ZFHX3: variants seen among roughly 807,000 people sequenced by gnomAD.
ZFHX3 encodes the protein zinc finger homeobox 3, also known as zinc finger homeobox protein 3.
Under a neutral mutation model 279.1 loss-of-function variants are expected in ZFHX3, and 42 were observed. The ratio of observed to expected loss-of-function variants is 0.15; its 90% CI spans 0.12 to 0.19. The LOEUF (loss-of-function observed/expected upper bound fraction) is 0.19, where lower values mean the gene tolerates loss of function less well. Ranked by LOEUF, ZFHX3 falls within the 10% of genes least tolerant of loss-of-function variation. The pLI is 1.00. For missense variants in ZFHX3, 4,981 were observed against 4,754.0 expected (o/e 1.05, Z -1.40); for synonymous variants, 2,293 against 1,957.8 (o/e 1.17, Z -4.52).
intron 1 of ZFHX3, among the ~76,000 whole-genome samples, chr16:73,865,680 T>C (rs770960726): frequency 6.6e-6 from 1 of 152,076 alleles, no homozygotes; most frequent in Non-Finnish European, 1.5e-5. Flanking sequence ...CAGTCATCTG[T>C]TAAAACATGT....
Position 72,826,560 on chromosome 16 carries a change from C to G in ZFHX3, c.3529+3219G>C, listed in dbSNP as rs569960104. Among the ~76,000 whole-genome samples, 129 of 152,264 alleles carry G rather than the reference C, an allele frequency of 8.5e-4. 1 individual carries two copies. In the South Asian group the frequency reaches 0.026, roughly 30 times the overall value. On this transcript the variant is annotated intron_variant, in intron 5 of 9. Coordinates refer to ENST00000268489, the MANE Select transcript of ZFHX3 (RefSeq NM_006885.4). The stretch of plus-strand genomic sequence containing the variant: ...AAAGCTCAGAGGAGGTTGCTGGCAC[C>G]TGTATCGATTCCAAGATCAAATCGG...
intron 1 of ZFHX3, among the ~76,000 whole-genome samples, chr16:73,036,651 G>A (rs1567644547): frequency 6.6e-6 from 1 of 151,888 alleles, no homozygotes; most frequent in Non-Finnish European, 1.5e-5. Flanking sequence ...AGAGAGGGAG[G>A]AGGGGGACTG....
rs756319969 is a variant in ZFHX3, at chr16:72,959,962, C to T, written c.184G>A (p.Ala62Thr). 32 of 1,609,224 alleles carry T rather than the reference C, an allele frequency of 2.0e-5. No homozygotes were observed. Among genetic ancestry groups the T allele is most frequent in the Middle Eastern group, 1.7e-4 (1 of 6,036 alleles). Residue 62 changes from alanine (A) to threonine (T), a missense_variant, in exon 2 of 10, where the codon GCG (alanine) becomes ACG (threonine). This residue lies in a region of ZFHX3 where 1,068 missense variants were observed against 935.2 expected (regional missense o/e 1.14). Transcript: ENST00000268489. ...GGCCCGGCCGACGCGGTGCTCTCCG[C>T]GAGGCGCTCATTGAAGGGGGCCCTC... ...SLRAPFNERLAESTASAGPPS... is the reference protein window; with the variant it reads ...SLRAPFNERLTESTASAGPPS...
rs1227579116 is a variant in ZFHX3 at position 72,798,390 on chromosome 16, C to T, written c.4292G>A (p.Cys1431Tyr). 1.2e-6 allele frequency: 2 copies of T among 1,614,208 alleles called. No homozygotes were observed. The highest frequency in any genetic ancestry group is 8.5e-7 in the Non-Finnish European group (1 of 1,180,048). The part of the protein sequence containing the change: ...QYHVIRAATM[C>Y]CLCQRSFRTF... ...TCGGAAACTGCGCTGACAAAGACAGCACATGGTGGCAGCTCTGATCACATG... is the reference window on the plus strand; with the variant it reads ...TCGGAAACTGCGCTGACAAAGACAGTACATGGTGGCAGCTCTGATCACATG... The change falls in exon 9 of 10, where the codon TGC becomes TAC. Residue 1431 changes from cysteine (C) to tyrosine (Y), a missense_variant. Physicochemically the swap from Cys to Tyr is radical, Grantham distance 194. This residue lies in a region of ZFHX3 where 1,751 missense variants were observed against 1,770.0 expected (regional missense o/e 0.99). Coordinates refer to ENST00000268489, the MANE Select transcript of ZFHX3 (RefSeq NM_006885.4).
chr16:73,068,941 T>C (rs1403772576), intron 8 of ZFHX3, among the ~76,000 whole-genome samples: 1 of 152,234 alleles, frequency 6.6e-6, no homozygotes, highest in African/African-American at 2.4e-5. Context: ...CCACCAACTC[T>C]GGCCTCCATG....
chr16:73,054,779 G>A (rs1405996216), intron 1 of ZFHX3, among the ~76,000 whole-genome samples: 2 of 152,042 alleles, frequency 1.3e-5, no homozygotes. Flanking sequence ...TATAGCCGCC[G>A]TTGCTCCTCT....
chr16:72,912,978 C>G (rs1335477117), intron 3 of ZFHX3, among the ~76,000 whole-genome samples: 2 of 152,218 alleles, frequency 1.3e-5, no homozygotes, highest in African/African-American at 4.8e-5. Flanking sequence ...CTACCTCAGC[C>G]TCCGAAAGTG....
chr16:73,594,826 G>A (rs777038231), intron 2 of ZFHX3, among the ~76,000 whole-genome samples: 5 of 152,150 alleles, frequency 3.3e-5, no homozygotes, highest in Non-Finnish European at 7.4e-5. Flanking sequence ...ATGTGCTTTT[G>A]TTTCCAAGAT....
At chr16:73,026,356 G>A (rs1049122396) in intron 1 of ZFHX3, among the ~76,000 whole-genome samples, 7 of 150,724 alleles carry the variant, frequency 4.6e-5, no homozygotes, top group Non-Finnish European at 7.4e-5. Flanking sequence ...CTGGGGGGCA[G>A]AGCAAGACTC....
intron 2 of ZFHX3, among the ~76,000 whole-genome samples, chr16:73,498,263 A>G (rs2019175252): frequency 6.6e-6 from 1 of 152,210 alleles, no homozygotes; most frequent in Non-Finnish European, 1.5e-5. Flanking sequence ...ATTAATTCAC[A>G]TGGATAGAGG....
intron 1 of ZFHX3, among the ~76,000 whole-genome samples, chr16:72,978,076 G>T (rs1380555321): frequency 1.3e-5 from 2 of 152,118 alleles, no homozygotes; most frequent in Non-Finnish European, 2.9e-5. Flanking sequence ...TGTTGGCCAG[G>T]ATGGTCTCAA....
In ZFHX3 at chr16:73,372,800, G is replaced by A. The variant is rs2016654683; in HGVS notation, c.-1290-54464C>T. ...GGGCTTAGGGGCATTTCTTTAGTAGGACCGACACAAAACAAAAATAGTAAT... is the reference window on the plus strand; with the variant it reads ...GGGCTTAGGGGCATTTCTTTAGTAGAACCGACACAAAACAAAAATAGTAAT... On this transcript the variant is annotated intron_variant, in intron 3 of 17. Coordinates refer to the ZFHX3 transcript ENST00000641206. Among the ~76,000 whole-genome samples the A allele has an allele frequency of 2.0e-5, 3 of 152,090 alleles. No homozygotes were observed. In the South Asian group the frequency reaches 6.2e-4, roughly 32 times the overall value.
At chr16:72,950,312 A>C (rs1214486310) in intron 3 of ZFHX3, among the ~76,000 whole-genome samples, 157 bp downstream of exon 3, 1 of 152,084 alleles carries the variant, frequency 6.6e-6, no homozygotes, top group East Asian at 1.9e-4. Context: ...GACAAAGTGG[A>C]CACCGCCGAC....
intron 3 of ZFHX3, among the ~76,000 whole-genome samples, chr16:73,437,842 G>A (rs1183921076): frequency 6.6e-6 from 1 of 152,156 alleles, no homozygotes; most frequent in African/African-American, 2.4e-5. Context: ...TCCCCATTAT[G>A]CATGAATGCG....
At chr16:73,194,632 T>C (rs1968105651) in intron 5 of ZFHX3, among the ~76,000 whole-genome samples, 1 of 152,248 alleles carries the variant, frequency 6.6e-6, no homozygotes. Flanking sequence ...AAAGAAAATG[T>C]ATGATATAAT....
chr16:73,086,878 G>C (rs1179016173), intron 8 of ZFHX3, among the ~76,000 whole-genome samples: 3 of 152,012 alleles, frequency 2.0e-5, no homozygotes, highest in Non-Finnish European at 4.4e-5. Flanking sequence ...ACTCCATCCT[G>C]GGTCAAAGAA....
chr16:73,271,447 C>T (rs1488920807), intron 4 of ZFHX3, among the ~76,000 whole-genome samples: 2 of 152,178 alleles, frequency 1.3e-5, no homozygotes, highest in African/African-American at 4.8e-5. Flanking sequence ...AGGGGCAGCA[C>T]AGCAAGCTGT....
chr16:73,598,207 C>T (rs1439716820), intron 2 of ZFHX3, among the ~76,000 whole-genome samples: 1 of 152,130 alleles, frequency 6.6e-6, no homozygotes, highest in Non-Finnish European at 1.5e-5. Flanking sequence ...TAACAAATTT[C>T]TGCATTTCAG....
intron 2 of ZFHX3, among the ~76,000 whole-genome samples, chr16:73,476,082 T>A (rs1348189626): frequency 6.6e-6 from 1 of 152,184 alleles, no homozygotes; most frequent in Admixed American, 6.5e-5. Flanking sequence ...TCGGTTCTTT[T>A]CTTTCTGTTA....
Sources: allele counts gnomAD v4.1 joint callset (sites outside exome capture counted in the v4.1 genomes callset), GRCh38; gene constraint gnomAD v4.1.1; regional missense constraint gnomAD v4.1.1; transcripts MANE v1.5; gene names NCBI Gene and HGNC (gene_info 2026-07-23, HGNC 2026-07-21).